The following PDZRN3 variants were observed in gnomAD, a reference collection of about 807,000 sequenced individuals.
The protein encoded by PDZRN3 is PDZ domain containing ring finger 3, also known as E3 ubiquitin-protein ligase PDZRN3.
A neutral mutation model predicts 85.7 loss-of-function variants in PDZRN3; 38 were observed. The ratio of observed to expected loss-of-function variants is 0.44; its 90% confidence interval spans 0.34 to 0.58. The LOEUF is 0.58. PDZRN3 is among the 20% of genes least tolerant of loss of function. The pLI, the probability that PDZRN3 is intolerant of heterozygous loss-of-function variation, is 0.01. For missense variants in PDZRN3, 1,629 were observed against 1,506.4 expected (o/e 1.08, Z -1.35); for synonymous variants, 759 against 638.0 (o/e 1.19, Z -2.86).
intron 3 of PDZRN3, among the ~76,000 whole-genome samples, chr3:73,498,588 C>CCT (rs1559709878): frequency 6.9e-6 from 1 of 144,066 alleles, no homozygotes; most frequent in African/African-American, 2.6e-5. Flanking sequence ...TGATTCATAA[C>CCT]TTTTTTTTTT....
intron 3 of PDZRN3, among the ~76,000 whole-genome samples, chr3:73,461,308 G>A (rs1575669457): frequency 6.6e-6 from 1 of 152,186 alleles, no homozygotes; most frequent in East Asian, 1.9e-4. Context: ...TTAGCATTTT[G>A]CAGCATTCTT....
intron 5 of PDZRN3, among the ~76,000 whole-genome samples, chr3:73,394,468 G>C (rs1183509444): frequency 6.6e-6 from 1 of 152,232 alleles, no homozygotes; most frequent in East Asian, 1.9e-4. Flanking sequence ...AAGAATGGCA[G>C]TGTTCTACTT....
At chr3:73,558,856 A>T (rs772047465) in intron 3 of PDZRN3, among the ~76,000 whole-genome samples, 2 of 152,262 alleles carry the variant, frequency 1.3e-5, no homozygotes, top group Non-Finnish European at 2.9e-5. Flanking sequence ...CAAGCCAGGA[A>T]CAGCCCAGAG....
chr3:73,597,979 T>C (rs568037833), intron 3 of PDZRN3, among the ~76,000 whole-genome samples: 2 of 152,290 alleles, frequency 1.3e-5, no homozygotes, highest in East Asian at 1.9e-4. Flanking sequence ...AGAGATGGTA[T>C]GTTCTCCACG....
rs1229631879 is a variant in PDZRN3, at chr3:73,540,089, A to T, written c.918+62265T>A. On this transcript the variant is annotated intron_variant, in intron 3 of 9. Coordinates refer to ENST00000263666, the MANE Select transcript of PDZRN3 (RefSeq NM_015009.3). Reference sequence around the variant, plus strand: ...AGATGCTCTGAAAACTGTTGGATGAAAAAAAAAAAAAAAAAAAAAAAACAG... The same window carrying T: ...AGATGCTCTGAAAACTGTTGGATGATAAAAAAAAAAAAAAAAAAAAAACAG... Among the ~76,000 whole-genome samples the T allele has an allele frequency of 5.7e-3, 127 of 22,402 alleles. 1 individual carries two copies. The highest frequency in any genetic ancestry group is 0.035 in the African/African-American group (123 of 3,492). 14.7% of individuals were successfully genotyped at this position (22,402 alleles called of 152,430 possible).
Position 73,383,679 on chromosome 3 carries a change from C to A in PDZRN3, c.2887G>T (p.Ala963Ser). 1 of 1,612,092 alleles carries A rather than the reference C, an allele frequency of 6.2e-7. No individual in the cohort carries two copies. Among genetic ancestry groups the A allele is most frequent in the Non-Finnish European group, 8.5e-7 (1 of 1,180,032 alleles). The change falls in exon 10 of 10, where the codon GCG becomes TCG. Residue 963 changes from alanine to serine, a missense_variant. Ala to Ser is a moderately conservative substitution (Grantham distance 99). Coordinates refer to ENST00000263666, the MANE Select transcript of PDZRN3 (RefSeq NM_015009.3). ...CGCCCCATCTTCATCTCGCTCACCG[C>A]GTCGTCGTCGGTGGTCATGCCGCTG... Reference protein sequence around the residue: ...ERSGMTTDDDAVSEMKMGRYW... With the variant: ...ERSGMTTDDDSVSEMKMGRYW...
intron 3 of PDZRN3, among the ~76,000 whole-genome samples, chr3:73,476,573 C>A (rs912676288): frequency 2.0e-5 from 3 of 152,172 alleles, no homozygotes; most frequent in African/African-American, 7.2e-5. Context: ...TTGTGTGTGA[C>A]CAACAGAAGA....
chr3:73,419,926 A>T (rs1409201758), intron 3 of PDZRN3, among the ~76,000 whole-genome samples: 1 of 152,198 alleles, frequency 6.6e-6, no homozygotes, highest in Non-Finnish European at 1.5e-5. Context: ...ATTTTTAATG[A>T]CTTTCCAAAA....
At chr3:73,551,803 G>A (rs1701565724) in intron 3 of PDZRN3, among the ~76,000 whole-genome samples, 2 of 151,984 alleles carry the variant, frequency 1.3e-5, no homozygotes, top group African/African-American at 4.8e-5. Context: ...TTTTTGAGAT[G>A]CTACCTTCTT....
At chr3:73,527,799 T>A (rs1704558959) in intron 3 of PDZRN3, among the ~76,000 whole-genome samples, 1 of 151,900 alleles carries the variant, frequency 6.6e-6, no homozygotes, top group Admixed American at 6.6e-5. Flanking sequence ...ACAAGAGGAA[T>A]CCTAAATAAT....
intron 3 of PDZRN3, among the ~76,000 whole-genome samples, chr3:73,434,258 C>A (rs191463336): frequency 6.6e-6 from 1 of 152,086 alleles, no homozygotes. Context: ...TAATGTGTTT[C>A]GGCTAGGTAG....
At chr3:73,611,154 C>T (rs1702679209) in intron 1 of PDZRN3, among the ~76,000 whole-genome samples, 1 of 152,152 alleles carries the variant, frequency 6.6e-6, no homozygotes, top group Admixed American at 6.5e-5. Flanking sequence ...GGGTTAGCAA[C>T]ATCTTAGGTC....
At chr3:73,513,512 GTT>G (rs1704204465) in intron 3 of PDZRN3, among the ~76,000 whole-genome samples, 1 of 152,166 alleles carries the variant, frequency 6.6e-6, no homozygotes, top group Non-Finnish European at 1.5e-5. Flanking sequence ...TTAAGAAGTT[GTT>G]TAACCAATGC....
intron 3 of PDZRN3, among the ~76,000 whole-genome samples, chr3:73,465,404 T>C (rs1169986764): frequency 6.6e-6 from 1 of 152,206 alleles, no homozygotes; most frequent in African/African-American, 2.4e-5. Flanking sequence ...GAGGATGTGA[T>C]CTGAACATTC....
intron 3 of PDZRN3, among the ~76,000 whole-genome samples, chr3:73,487,813 T>C (rs1703693409): frequency 6.6e-6 from 1 of 152,238 alleles, no homozygotes; most frequent in African/African-American, 2.4e-5. Context: ...TCTTGCTCTT[T>C]GCCAGAAGCG....
At chr3:73,530,437 C>T (rs1272755235) in intron 3 of PDZRN3, among the ~76,000 whole-genome samples, 1 of 152,188 alleles carries the variant, frequency 6.6e-6, no homozygotes, top group Non-Finnish European at 1.5e-5. Flanking sequence ...TCAATGACAA[C>T]ATATTCAAGT....
At chr3:73,539,926 T>C (rs1704875403) in intron 3 of PDZRN3, among the ~76,000 whole-genome samples, 1 of 151,988 alleles carries the variant, frequency 6.6e-6, no homozygotes, top group African/African-American at 2.4e-5. Context: ...TGAGCATAAA[T>C]ATACTTTCAT....
intron 3 of PDZRN3, among the ~76,000 whole-genome samples, chr3:73,479,849 T>C (rs1192710048): frequency 1.3e-5 from 2 of 152,164 alleles, no homozygotes; most frequent in African/African-American, 4.8e-5. Flanking sequence ...GGTGGTATTA[T>C]TTTGTAAAAC....
At chr3:73,507,798 T>C (rs1453713530) in intron 3 of PDZRN3, among the ~76,000 whole-genome samples, 1 of 152,036 alleles carries the variant, frequency 6.6e-6, no homozygotes, top group African/African-American at 2.4e-5. Context: ...TAACAAAAAT[T>C]CTGAGATGCA....
Sources: allele counts gnomAD v4.1 joint callset (sites outside exome capture counted in the v4.1 genomes callset), GRCh38; gene constraint gnomAD v4.1.1; transcripts MANE v1.5; gene names NCBI Gene and HGNC (gene_info 2026-07-23, HGNC 2026-07-21).